Variants in OSBP observed in about 807,000 individuals in gnomAD.
OSBP encodes the protein oxysterol-binding protein 1.
OSBP carries 32 observed loss-of-function variants against 96.6 expected under a neutral mutation model. The ratio of observed to expected loss-of-function variants is 0.33; its 90% CI spans 0.25 to 0.45. The LOEUF (loss-of-function observed/expected upper bound fraction) is 0.45, where lower values mean the gene tolerates loss of function less well. OSBP is among the 20% of genes least tolerant of loss of function. The pLI is 1.00. For synonymous variants in OSBP, 369 were observed against 389.6 expected, an observed-to-expected ratio of 0.95 and a Z score of 0.62; for missense variants, 653 against 1,029.7, an observed-to-expected ratio of 0.63 and a Z score of 5.01.
In OSBP at chr11:59,615,588, C is replaced by T; in HGVS notation, c.77G>A (p.Gly26Asp). 7.3e-7 allele frequency: 1 copy of T among 1,373,376 alleles called. No individual in the cohort carries two copies. Among genetic ancestry groups the T allele is most frequent in the Non-Finnish European group, 9.4e-7 (1 of 1,059,672 alleles). The allele number at this position is 1,373,376 out of a possible 1,614,324, so 85.1% of individuals were successfully genotyped here. A position where few individuals can be genotyped will look rare whatever the true frequency, so the allele number is the denominator to read the frequency against. Residue 26 changes from glycine to aspartate, a missense_variant, in exon 1 of 14, where the codon GGT becomes GAT. By Grantham distance (94) the Gly-to-Asp change is moderately conservative (BLOSUM62 -1). Coordinates refer to ENST00000263847, the MANE Select transcript of OSBP (RefSeq NM_002556.3). ...AIAALGGGGA[G>D]PPVVGGGGGR... is the part of the protein sequence containing the mutation. ...GCCGCCTCCTCCCACCACTGGGGGACCGGCGCCGCCGCCGCCAAGTGCTGC... is the reference window on the plus strand; with the variant it reads ...GCCGCCTCCTCCCACCACTGGGGGATCGGCGCCGCCGCCGCCAAGTGCTGC...
Position 59,575,161 on chromosome 11 carries a change from C to G in OSBP, c.*1416G>C, listed in dbSNP as rs1173307706. The G allele has an allele frequency of 6.6e-6, 1 of 152,212 alleles. No individual in the cohort carries two copies. The highest frequency in any genetic ancestry group is 1.5e-5 in the Non-Finnish European group (1 of 68,054). 9.4% of individuals were successfully genotyped at this position (152,212 alleles called of 1,614,324 possible). A position where few individuals can be genotyped will look rare whatever the true frequency, so the allele number is the denominator to read the frequency against. On this transcript the variant is annotated 3_prime_UTR_variant, in exon 14 of 14. Coordinates refer to ENST00000263847, the MANE Select transcript of OSBP (RefSeq NM_002556.3). ...TTTGGAATTCAGCCTATGCGCCGGACAGAGCAGAATTAAATTGGAAGTTGC... is the reference window on the plus strand; with the variant it reads ...TTTGGAATTCAGCCTATGCGCCGGAGAGAGCAGAATTAAATTGGAAGTTGC...
In OSBP at chr11:59,583,553, G is replaced by C. The variant is rs76723461; in HGVS notation, c.1679-1999C>G. On this transcript the variant is annotated intron_variant, in intron 9 of 13. Coordinates refer to ENST00000263847, the MANE Select transcript of OSBP (RefSeq NM_002556.3). ...TGCTGTGTACCAGGTGCCGTGCTAT[G>C]GTCTCCTCATGCATTATTTCATTTA... Among the ~76,000 whole-genome samples, 365 of 151,360 alleles carry C rather than the reference G, an allele frequency of 2.4e-3. 7 individuals carry two copies. The East Asian group carries it at 0.049, about 21-fold the overall frequency.
At position 59,576,947 on chromosome 11, in the gene OSBP, T is replaced by C; in HGVS notation, c.2139A>G (p.Thr713=). ...TCTGGTCAGGTCGTAACCGGCTGTC[T>C]GTGGGGGCAGTGCCACTTTCCCAAG... ...LNAWESGTAP[T]DSRLRPDQRL... is the part of the protein sequence containing the mutation. The change falls in exon 13 of 14, where the codon ACA becomes ACG. Residue 713 remains threonine (T), a synonymous_variant. Coordinates refer to ENST00000263847, the MANE Select transcript of OSBP (RefSeq NM_002556.3). 1 of 1,614,240 alleles carries C rather than the reference T, an allele frequency of 6.2e-7. No homozygotes were observed. Among genetic ancestry groups the C allele is most frequent in the Non-Finnish European group, 8.5e-7 (1 of 1,180,040 alleles).
rs777673716 is a variant in OSBP at position 59,593,616 on chromosome 11, T to C, written c.1666A>G (p.Ile556Val). 54 of 1,614,012 alleles carry C rather than the reference T, an allele frequency of 3.3e-5. No homozygotes were observed. Among genetic ancestry groups the C allele is most frequent in the Non-Finnish European group, 4.5e-5 (53 of 1,179,920 alleles). ...ATGGTAACCTTACCGAGGGGCATAA[T>C]GGAGAGGTATTTGCCTCGAAACTTG... ...TSKFRGKYLS[I>V]MPLGTIHCIF... The change falls in exon 9 of 14, where the codon ATT (isoleucine) becomes GTT (valine). Residue 556 changes from isoleucine (I) to valine (V), a missense_variant. By Grantham distance (29) the Ile-to-Val change is conservative. Coordinates refer to ENST00000263847, the MANE Select transcript of OSBP (RefSeq NM_002556.3).
At chr11:59,611,664 AAG>A (rs897045846) in intron 1 of OSBP, among the ~76,000 whole-genome samples, 17 of 152,182 alleles carry the variant, frequency 1.1e-4, no homozygotes, top group African/African-American at 4.1e-4. Context: ...GTTCATTCCT[AAG>A]GTCCACCATA....
intron 11 of OSBP, among the ~76,000 whole-genome samples, chr11:59,578,574 T>C (rs563276): frequency 0.17 from 25,919 of 152,120 alleles, 4,030 homozygotes; most frequent in African/African-American, 0.41. Context: ...CTCAGCTACT[T>C]GAGTAGCTAG....
rs61755078 is a variant in OSBP, at chr11:59,610,430, C to T, written c.522G>A (p.Thr174=). ...SSEVERQRWV[T]ALELAKAKAV... ...CTTTGGCCTTGGCCAGTTCCAGGGC[C>T]GTCACCCAGCGCTGCCGCTCAACTT... is the stretch of plus-strand genomic sequence containing the variant. The change falls in exon 2 of 14, where the codon ACG becomes ACA. Residue 174 remains threonine, a synonymous_variant. Transcript: ENST00000263847. 4.1e-3 allele frequency: 6,586 copies of T among 1,613,836 alleles called. 25 individuals are homozygous for T. The highest frequency in any genetic ancestry group is 4.8e-3 in the Non-Finnish European group (5,624 of 1,180,028).
At chr11:59,582,266 A>C (rs1334505185) in intron 9 of OSBP, among the ~76,000 whole-genome samples, 1 of 152,212 alleles carries the variant, frequency 6.6e-6, no homozygotes, top group African/African-American at 2.4e-5. Context: ...CAGGGTTTTG[A>C]GTCACCTGAT....
chr11:59,588,997 T>A (rs1484887413), intron 9 of OSBP, among the ~76,000 whole-genome samples: 1 of 151,350 alleles, frequency 6.6e-6, no homozygotes, highest in Non-Finnish European at 1.5e-5. Context: ...AGAGCGAGAC[T>A]CCGTCTGAAA....
chr11:59,586,981 T>C (rs534983608), intron 9 of OSBP, among the ~76,000 whole-genome samples: 1 of 152,242 alleles, frequency 6.6e-6, no homozygotes, highest in African/African-American at 2.4e-5. Context: ...TTCTTGGCTA[T>C]GACACCAAAA....
At chr11:59,588,236 T>C (rs974349331) in intron 9 of OSBP, among the ~76,000 whole-genome samples, 2 of 152,020 alleles carry the variant, frequency 1.3e-5, no homozygotes, top group African/African-American at 4.8e-5. Context: ...GGAGGGAGAA[T>C]AGAAAATTAT....
At chr11:59,607,622 C>T (rs1860797782) in intron 3 of OSBP, among the ~76,000 whole-genome samples, 1 of 152,084 alleles carries the variant, frequency 6.6e-6, no homozygotes, top group Admixed American at 6.5e-5. Context: ...ACTCTTCTCA[C>T]TTATGAAATG....
chr11:59,577,511 T>C (rs930840908), intron 12 of OSBP, among the ~76,000 whole-genome samples: 14 of 152,132 alleles, frequency 9.2e-5, no homozygotes, highest in Admixed American at 2.0e-4. Context: ...TATTTATTTA[T>C]TTAGACAGTC....
chr11:59,601,894 G>A, intron 3 of OSBP, 56 bp from the exon 4 acceptor site: 10 of 1,500,042 alleles, frequency 6.7e-6, no homozygotes, highest in South Asian at 1.2e-5. Context: ...TTCCCCTCAG[G>A]CTTCTGCAAG....
intron 11 of OSBP, among the ~76,000 whole-genome samples, chr11:59,578,672 G>C (rs1026186556): frequency 7.2e-5 from 11 of 152,078 alleles, no homozygotes; most frequent in African/African-American, 1.4e-4. Flanking sequence ...GGCAGGTCTT[G>C]AACTCCTTGG....
At chr11:59,606,514 A>G (rs1463264513) in intron 3 of OSBP, among the ~76,000 whole-genome samples, 1 of 152,050 alleles carries the variant, frequency 6.6e-6, no homozygotes, top group Admixed American at 6.6e-5. Flanking sequence ...CAGAAACAAT[A>G]AACACTAGGG....
At chr11:59,607,427 T>A (rs1027580327) in intron 3 of OSBP, among the ~76,000 whole-genome samples, 1 of 152,174 alleles carries the variant, frequency 6.6e-6, no homozygotes. Flanking sequence ...CTGAAGATAG[T>A]GTTAAACATA....
rs895039836 is a variant in OSBP, at chr11:59,579,752, C to A, written c.1878+422G>T. On this transcript the variant is annotated intron_variant, in intron 11 of 13. Transcript: ENST00000263847. ...TTTTTTTTTTTGAGACGGAGTCTCGCTCTGTTGCCCAGGCTGGGGTGCAAT... is the reference window on the plus strand; with the variant it reads ...TTTTTTTTTTTGAGACGGAGTCTCGATCTGTTGCCCAGGCTGGGGTGCAAT... Among the ~76,000 whole-genome samples the A allele has an allele frequency of 6.5e-4, 98 of 150,492 alleles. 1 individual carries two copies. The highest frequency in any genetic ancestry group is 2.2e-3 in the African/African-American group (92 of 40,914).
chr11:59,603,300 G>A (rs1177523753), intron 3 of OSBP, among the ~76,000 whole-genome samples: 3 of 152,132 alleles, frequency 2.0e-5, no homozygotes, highest in Non-Finnish European at 4.4e-5. Flanking sequence ...ATAAAGGAAG[G>A]AGGCAAGCAA....
Sources: gnomAD v4.1 joint callset for allele counts (sites outside exome capture counted in the v4.1 genomes callset) on GRCh38, gnomAD v4.1.1 for gene constraint, MANE v1.5 for transcripts, NCBI Gene and HGNC (gene_info 2026-07-23, HGNC 2026-07-21) for gene names.